Variants in SUCLG2 observed in about 807,000 individuals in gnomAD.
SUCLG2 encodes the protein succinate--CoA ligase [GDP-forming] subunit beta, mitochondrial.
SUCLG2 carries 42 observed loss-of-function variants against 47.9 expected under a neutral mutation model. The ratio of observed to expected loss-of-function variants is 0.88; its 90% CI spans 0.69 to 1.14. The LOEUF (loss-of-function observed/expected upper bound fraction) is 1.14. Among genes scored for constraint, SUCLG2 ranks in the 50% most tolerant of loss-of-function variants. SUCLG2 has a pLI of 0.00. For synonymous variants in SUCLG2, 195 were observed against 197.3 expected, an observed-to-expected ratio of 0.99 and a Z score of 0.10; for missense variants, 571 against 525.9, an observed-to-expected ratio of 1.09 and a Z score of -0.84.
chr3:67,500,186 C>T (rs527913384), intron 7 of SUCLG2, among the ~76,000 whole-genome samples: 5 of 152,298 alleles, frequency 3.3e-5, no homozygotes, highest in Admixed American at 1.3e-4. Flanking sequence ...AAAGCAGTGG[C>T]TATAATCTCC....
intron 10 of SUCLG2, among the ~76,000 whole-genome samples, chr3:67,382,571 G>A (rs4241439): frequency 0.3 from 45,530 of 152,056 alleles, 7,003 homozygotes; most frequent in Middle Eastern, 0.45. Context: ...TGCAAGTTAA[G>A]AATAGGGTTT....
intron 2 of SUCLG2, among the ~76,000 whole-genome samples, chr3:67,580,250 G>GAT (rs915253591): frequency 3.9e-5 from 6 of 151,942 alleles, no homozygotes; most frequent in Admixed American, 1.3e-4. Context: ...CTGTTGCCAT[G>GAT]ATATATATAT....
intron 1 of SUCLG2, among the ~76,000 whole-genome samples, chr3:67,625,024 A>T (rs1000972360): frequency 3.9e-5 from 6 of 152,224 alleles, no homozygotes; most frequent in African/African-American, 1.4e-4. Flanking sequence ...TCTTAAAATC[A>T]GAGGAGCCGA....
At chr3:67,591,906 C>G (rs1357751328) in intron 2 of SUCLG2, among the ~76,000 whole-genome samples, 1 of 152,190 alleles carries the variant, frequency 6.6e-6, no homozygotes, top group Non-Finnish European at 1.5e-5. Flanking sequence ...TCTACCTTGT[C>G]TCTCAAGTCT....
At position 67,375,666 on chromosome 3, in the gene SUCLG2, C is replaced by T; in HGVS notation, c.*78G>A. 3 of 1,496,240 alleles carry T rather than the reference C, an allele frequency of 2.0e-6. No homozygotes were observed. The highest frequency in any genetic ancestry group is 2.7e-6 in the Non-Finnish European group (3 of 1,120,598). 92.7% of individuals were successfully genotyped at this position (1,496,240 alleles called of 1,614,324 possible). ...CCCCTTTTCTTCCCCAATGAGATAA[C>T]CATTTCTTTCACAATGATGAACCAT... On this transcript the variant is annotated 3_prime_UTR_variant, in exon 11 of 11. Transcript: ENST00000307227.
At chr3:67,592,755 T>TAAAA (rs1708199157) in intron 2 of SUCLG2, among the ~76,000 whole-genome samples, 1 of 123,260 alleles carries the variant, frequency 8.1e-6, no homozygotes, top group African/African-American at 3.4e-5. Flanking sequence ...AAAAACTGAA[T>TAAAA]ATCAAAGCCA....
At chr3:67,577,124 C>A (rs914962422) in intron 2 of SUCLG2, among the ~76,000 whole-genome samples, 15 of 152,110 alleles carry the variant, frequency 9.9e-5, no homozygotes, top group African/African-American at 3.6e-4. Flanking sequence ...CACTGGCCAA[C>A]ATGGCAAAAT....
chr3:67,492,401 C>T lies in SUCLG2; in HGVS notation c.1062+3397G>A, dbSNP rs1356376256. 2.2e-4 allele frequency among the ~76,000 whole-genome samples: 34 copies of T among 152,226 alleles called. 1 individual carries two copies. The highest frequency in any genetic ancestry group is 2.2e-3 in the Admixed American group (33 of 15,276). ...TCTAAGTTCAGAATTAAAATACAAA[C>T]CAGAGTATAATTTGGAAAACAAAAA... On this transcript the variant is annotated intron_variant, in intron 9 of 10. Coordinates refer to ENST00000307227, the MANE Select transcript of SUCLG2 (RefSeq NM_003848.4).
chr3:67,425,677 C>T (rs1703281711), intron 9 of SUCLG2, among the ~76,000 whole-genome samples: 1 of 152,214 alleles, frequency 6.6e-6, no homozygotes. Flanking sequence ...TCAAACTATA[C>T]CACCAGCCTT....
At chr3:67,410,121 G>C (rs1400433109) in intron 9 of SUCLG2, among the ~76,000 whole-genome samples, 3 of 152,208 alleles carry the variant, frequency 2.0e-5, no homozygotes, top group Admixed American at 1.3e-4. Flanking sequence ...TTGATCTGCA[G>C]AGAGCTGTCA....
At chr3:67,526,819 C>T (rs1186480360) in intron 4 of SUCLG2, among the ~76,000 whole-genome samples, 4 of 152,186 alleles carry the variant, frequency 2.6e-5, no homozygotes, top group Admixed American at 2.6e-4. Flanking sequence ...ACAACTTCCA[C>T]ATAACCCAAC....
chr3:67,548,407 A>G (rs1189557831), intron 2 of SUCLG2, among the ~76,000 whole-genome samples: 1 of 152,224 alleles, frequency 6.6e-6, no homozygotes, highest in Non-Finnish European at 1.5e-5. Context: ...AATCCAGCAC[A>G]ACCCATCTTA....
intron 9 of SUCLG2, among the ~76,000 whole-genome samples, chr3:67,478,584 G>A (rs930985398): frequency 3.9e-5 from 6 of 152,178 alleles, no homozygotes; most frequent in South Asian, 4.1e-4. Context: ...TGTTCTCTCC[G>A]TACTTTCATT....
chr3:67,634,603 T>C (rs1345865271), intron 1 of SUCLG2, among the ~76,000 whole-genome samples: 3 of 152,160 alleles, frequency 2.0e-5, no homozygotes, highest in African/African-American at 4.8e-5. Flanking sequence ...CAGTAAACCA[T>C]TGCCTACAGA....
chr3:67,611,473 C>T (rs1014882193), intron 1 of SUCLG2, among the ~76,000 whole-genome samples: 1 of 152,066 alleles, frequency 6.6e-6, no homozygotes. Context: ...GTCTTAATAG[C>T]GTGTTATATA....
chr3:67,610,788 C>A (rs1700514596), intron 1 of SUCLG2, among the ~76,000 whole-genome samples: 1 of 152,164 alleles, frequency 6.6e-6, no homozygotes, highest in East Asian at 1.9e-4. Context: ...TCACATGGAG[C>A]CATTACCTTT....
At chr3:67,414,184 G>C (rs375025020) in intron 9 of SUCLG2, among the ~76,000 whole-genome samples, 1 of 152,108 alleles carries the variant, frequency 6.6e-6, no homozygotes, top group South Asian at 2.1e-4. Context: ...AGTAGGTGAT[G>C]CTTCCTGTAA....
At chr3:67,462,516 T>C (rs1190582713) in intron 9 of SUCLG2, among the ~76,000 whole-genome samples, 5 of 152,220 alleles carry the variant, frequency 3.3e-5, no homozygotes, top group African/African-American at 1.2e-4. Flanking sequence ...CAGGAGCTTC[T>C]GGACGGCTGA....
At chr3:67,420,119 C>T (rs1383210411) in intron 9 of SUCLG2, among the ~76,000 whole-genome samples, 1 of 152,086 alleles carries the variant, frequency 6.6e-6, no homozygotes, top group African/African-American at 2.4e-5. Context: ...TACATACTTG[C>T]CATCCTAAAT....
Sources: allele counts gnomAD v4.1 joint callset (sites outside exome capture counted in the v4.1 genomes callset), GRCh38; gene constraint gnomAD v4.1.1; transcripts MANE v1.5; gene names NCBI Gene and HGNC (gene_info 2026-07-23, HGNC 2026-07-21).